The following MCM9 variants were observed in gnomAD, a reference collection of about 807,000 sequenced individuals.
MCM9 encodes the protein minichromosome maintenance 9 homologous recombination repair factor.
Under a neutral mutation model 72.8 loss-of-function variants are expected in MCM9, and 55 were observed. That is an observed-to-expected ratio of 0.76 (90% CI 0.61 to 0.95). The LOEUF is 0.95. Among genes scored for constraint, MCM9 ranks in the 40% least tolerant of loss-of-function variants. The probability of loss-of-function intolerance (pLI) is 0.00; values close to 1 mark genes in which losing one functional copy is unlikely to be tolerated. For synonymous variants in MCM9, 480 were observed against 503.4 expected (o/e 0.95, Z 0.62); for missense variants, 1,279 against 1,377.0 (o/e 0.93, Z 1.13).
At chr6:118,828,531 G>A (rs1195618637) in intron 10 of MCM9, among the ~76,000 whole-genome samples, 1 of 152,024 alleles carries the variant, frequency 6.6e-6, no homozygotes, top group African/African-American at 2.4e-5. Context: ...GATTACAGGT[G>A]TGCACCACCA....
At chr6:118,887,555 C>T (rs994539806) in intron 8 of MCM9, among the ~76,000 whole-genome samples, 3 of 151,988 alleles carry the variant, frequency 2.0e-5, no homozygotes, top group East Asian at 1.9e-4. Flanking sequence ...ATCCTCATGA[C>T]GCTGGATTAG....
chr6:118,930,085 ATATTTATT>A lies in MCM9; in HGVS notation c.304+1327_304+1334del, dbSNP rs554931394. ...TCTTCTCAAATGTACTATAAGGTAA[ATATTTATT>A]TATTTATTTATTTATTTTATTTTAT... On this transcript the variant is annotated intron_variant, in intron 3 of 13. Transcript: ENST00000619706. Among the ~76,000 whole-genome samples the A allele has an allele frequency of 1.7e-3, 249 of 148,818 alleles. 1 individual carries two copies. Among genetic ancestry groups the A allele is most frequent in the African/African-American group, 6.0e-3 (244 of 40,980 alleles).
Position 118,917,577 on chromosome 6 carries a change from C to T in MCM9, c.888G>A (p.Lys296=). ...AACACAAACCTGCAAAGGGATCGCT[C>T]TTATAGTATTCCCAAAAATCTTCGA... ...KEFEDFWEYY[K]SDPFAGRNVI... Residue 296 remains lysine, a synonymous_variant, in exon 6 of 14, where the codon AAG becomes AAA. Coordinates refer to ENST00000619706, the MANE Select transcript of MCM9 (RefSeq NM_017696.3). 1 of 1,614,130 alleles carries T rather than the reference C, an allele frequency of 6.2e-7. No individual in the cohort carries two copies. The highest frequency in any genetic ancestry group is 8.5e-7 in the Non-Finnish European group (1 of 1,180,002).
rs1773385353 is a variant in MCM9, at chr6:118,815,947, T to C, written c.2309A>G (p.Glu770Gly). The change falls in exon 14 of 14, where the codon GAA becomes GGA. Residue 770 changes from glutamate (E) to glycine (G), a missense_variant. Transcript: ENST00000619706. ...VVSPHPKTSGENMASKISNST... is the reference protein window; with the variant it reads ...VVSPHPKTSGGNMASKISNST... The stretch of plus-strand genomic sequence containing the variant: ...GTTAGAGATCTTCGAAGCCATATTT[T>C]CTCCAGATGTTTTGGGATGAGGAGA... The C allele has an allele frequency of 1.3e-6, 2 of 1,550,236 alleles. No individual in the cohort carries two copies. Among genetic ancestry groups the C allele is most frequent in the Non-Finnish European group, 1.7e-6 (2 of 1,146,996 alleles).
At chr6:118,919,442 C>G (rs545182029) in intron 5 of MCM9, 3 of 152,250 alleles carry the variant, frequency 2.0e-5, no homozygotes, top group African/African-American at 7.2e-5. Flanking sequence ...GGATAATGTA[C>G]GTAAATTACT....
intron 8 of MCM9, among the ~76,000 whole-genome samples, chr6:118,870,032 T>C (rs905965600): frequency 6.6e-6 from 1 of 152,112 alleles, no homozygotes; most frequent in African/African-American, 2.4e-5. Context: ...AAAGGAGACA[T>C]AGCCTGCAAC....
intron 5 of MCM9, chr6:118,918,890 T>C (rs1781185216): frequency 6.6e-6 from 1 of 152,206 alleles, no homozygotes; most frequent in Non-Finnish European, 1.5e-5. Flanking sequence ...ATGGAACTGG[T>C]GGTGCCAATC....
intron 13 of MCM9, among the ~76,000 whole-genome samples, chr6:118,820,489 G>C (rs1773724806): frequency 6.6e-6 from 1 of 152,200 alleles, no homozygotes; most frequent in Non-Finnish European, 1.5e-5. Context: ...CTGAGAAACT[G>C]TTTGTGATGA....
In MCM9 at chr6:118,887,084, T is replaced by C. The variant is rs565834248; in HGVS notation, c.1150+24566A>G. 7.9e-5 allele frequency among the ~76,000 whole-genome samples: 12 copies of C among 152,330 alleles called. No homozygotes were observed. The East Asian group carries it at 1.3e-3, about 17-fold the overall frequency. The stretch of plus-strand genomic sequence containing the variant: ...AGTACTCCCCAAAGGGATGTATAGA[T>C]TCAATGCAATCCCTATCACAATCCC... On this transcript the variant is annotated intron_variant, in intron 8 of 13. Transcript: ENST00000619706.
At chr6:118,828,725 T>C (rs1464529083) in intron 10 of MCM9, among the ~76,000 whole-genome samples, 1 of 152,162 alleles carries the variant, frequency 6.6e-6, no homozygotes, top group East Asian at 1.9e-4. Flanking sequence ...ATTTAGAGAT[T>C]TGTTTCACAA....
Position 118,892,883 on chromosome 6 carries a change from A to G in MCM9, c.1150+18767T>C, listed in dbSNP as rs1042852072. Among the ~76,000 whole-genome samples, 4 of 152,224 alleles carry G rather than the reference A, an allele frequency of 2.6e-5. No homozygotes were observed. In the East Asian group the frequency reaches 7.7e-4, roughly 29 times the overall value. ...ACATTAACTTTCAAAAGACCATCAG[A>G]TGAAAACGTTTCATCAAAAGCCACC... On this transcript the variant is annotated intron_variant, in intron 8 of 13. Transcript: ENST00000619706.
rs143169762 is a variant in MCM9, at chr6:118,875,223, T to C, written c.1151-18678A>G. Among the ~76,000 whole-genome samples, 539 of 152,328 alleles carry C rather than the reference T, an allele frequency of 3.5e-3. 7 individuals carry two copies. Among genetic ancestry groups the C allele is most frequent in the African/African-American group, 0.012 (513 of 41,572 alleles). On this transcript the variant is annotated intron_variant, in intron 8 of 13. Transcript: ENST00000619706. Reference sequence around the variant, plus strand: ...ATTTACAAGAGGAAAAGTCTGATGTTATCAAAGAAGAACTACATAAATGAA... The same window carrying C: ...ATTTACAAGAGGAAAAGTCTGATGTCATCAAAGAAGAACTACATAAATGAA...
At chr6:118,845,122 G>T (rs988498556) in intron 9 of MCM9, among the ~76,000 whole-genome samples, 1 of 151,658 alleles carries the variant, frequency 6.6e-6, no homozygotes, top group Non-Finnish European at 1.5e-5. Flanking sequence ...CATTTGAAAC[G>T]GAGACAGGAA....
chr6:118,894,599 G>A, intron 8 of MCM9: 1 of 1,271,160 alleles, frequency 7.9e-7, no homozygotes, highest in South Asian at 1.3e-5. Context: ...CGGGCCTCGC[G>A]CTGGGCGGCT....
chr6:118,835,478 A>G (rs1488226874), intron 9 of MCM9, among the ~76,000 whole-genome samples: 1 of 152,228 alleles, frequency 6.6e-6, no homozygotes, highest in African/African-American at 2.4e-5. Flanking sequence ...CTTCCTATCC[A>G]TGAACATGGA....
chr6:118,894,571 G>C (rs1406680356), intron 8 of MCM9: 4 of 1,454,140 alleles, frequency 2.8e-6, no homozygotes, highest in African/African-American at 1.4e-5. Context: ...GGCTGCAGAC[G>C]TTGAAAGTTT....
intron 13 of MCM9, among the ~76,000 whole-genome samples, chr6:118,824,035 CTTTTTTTTTTTTTTTTTTTTT>C (rs137881254): frequency 3.7e-5 from 2 of 54,294 alleles, no homozygotes; most frequent in African/African-American, 7.6e-5. Context: ...GCAAACCCAC[CTTTTTTTTTTTTTTTTTTTTT>C]TTTTTTTTTT....
At chr6:118,880,795 C>T (rs921135306) in intron 8 of MCM9, among the ~76,000 whole-genome samples, 17 of 152,154 alleles carry the variant, frequency 1.1e-4, no homozygotes, top group Non-Finnish European at 2.9e-5. Flanking sequence ...TTCATTCTCT[C>T]TTCTTGTAGA....
Position 118,832,825 on chromosome 6 carries a change from C to T in MCM9, c.1326-3575G>A, listed in dbSNP as rs185579915. ...TCTTTACTTATGGCTTTGATCACCA[C>T]CTATATGCTGGTACTTCCAAATTTA... On this transcript the variant is annotated intron_variant, in intron 9 of 13. Coordinates refer to ENST00000619706, the MANE Select transcript of MCM9 (RefSeq NM_017696.3). Among the ~76,000 whole-genome samples the T allele has an allele frequency of 7.9e-5, 12 of 152,288 alleles. 1 individual carries two copies. The highest frequency in any genetic ancestry group is 3.9e-4 in the Admixed American group (6 of 15,300).
Sources: gnomAD v4.1 joint callset for allele counts (sites outside exome capture counted in the v4.1 genomes callset) on GRCh38, gnomAD v4.1.1 for gene constraint, MANE v1.5 for transcripts, NCBI Gene and HGNC (gene_info 2026-07-23, HGNC 2026-07-21) for gene names.